DNAJC6: variants seen among roughly 807,000 people sequenced by gnomAD.
The protein encoded by DNAJC6 is auxilin.
A neutral mutation model predicts 110.0 loss-of-function variants in DNAJC6; 34 were observed. That is an observed-to-expected ratio of 0.31 (90% CI 0.24 to 0.41). The LOEUF is 0.41. DNAJC6 is among the 10% of genes least tolerant of loss of function. DNAJC6 has a pLI of 1.00. For synonymous variants in DNAJC6, 406 were observed against 437.2 expected (o/e 0.93, Z 0.89); for missense variants, 1,031 against 1,207.8 (o/e 0.85, Z 2.17).
intron 1 of DNAJC6, among the ~76,000 whole-genome samples, chr1:65,285,015 T>C (rs1653970732): frequency 6.6e-6 from 1 of 152,194 alleles, no homozygotes; most frequent in Non-Finnish European, 1.5e-5. Flanking sequence ...TCTGTGGTTT[T>C]CCATCTGGTT....
At chr1:65,378,317 A>G (rs1452768030) in intron 4 of DNAJC6, among the ~76,000 whole-genome samples, 3 of 152,220 alleles carry the variant, frequency 2.0e-5, no homozygotes, top group African/African-American at 4.8e-5. Context: ...CCTTCAGTCT[A>G]CACTCTCACC....
At chr1:65,281,389 G>A (rs890489908) in intron 1 of DNAJC6, among the ~76,000 whole-genome samples, 1 of 151,988 alleles carries the variant, frequency 6.6e-6, no homozygotes, top group African/African-American at 2.4e-5. Context: ...ATTCCATAAC[G>A]CTTTCATGGA....
At chr1:65,303,558 TC>T (rs1557509368) in intron 1 of DNAJC6, among the ~76,000 whole-genome samples, 8 of 110,448 alleles carry the variant, frequency 7.2e-5, no homozygotes, top group African/African-American at 3.1e-4. Flanking sequence ...CATTTGATTC[TC>T]TCTTCTTTTT....
chr1:65,401,943 C>T (rs543556380), intron 15 of DNAJC6, 63 bp downstream of exon 15: 8 of 1,597,450 alleles, frequency 5.0e-6, no homozygotes, highest in East Asian at 2.3e-5. Flanking sequence ...CCTCAAATCT[C>T]AGTCTTTGGT....
At chr1:65,287,598 A>T (rs1030165200) in intron 1 of DNAJC6, among the ~76,000 whole-genome samples, 9 of 152,030 alleles carry the variant, frequency 5.9e-5, no homozygotes, top group African/African-American at 2.2e-4. Flanking sequence ...TTTGCCATTT[A>T]ATCTCTTTTA....
chr1:65,413,568 G>C lies in DNAJC6; in HGVS notation c.*543G>C, dbSNP rs971133935. 1.3e-5 allele frequency: 2 copies of C among 152,182 alleles called. No individual in the cohort carries two copies. Among genetic ancestry groups the C allele is most frequent in the Non-Finnish European group, 2.9e-5 (2 of 68,160 alleles). 9.4% of individuals were successfully genotyped at this position (152,182 alleles called of 1,614,324 possible). ...TACTGTAAATGTCTTTTGGTCAAGA[G>C]AACTAACAAATATAAAGGAACTTGA... On this transcript the variant is annotated 3_prime_UTR_variant, in exon 19 of 19. Coordinates refer to ENST00000371069, the MANE Select transcript of DNAJC6 (RefSeq NM_001256864.2).
chr1:65,351,659 T>C (rs1557536407), intron 1 of DNAJC6, among the ~76,000 whole-genome samples: 3 of 152,236 alleles, frequency 2.0e-5, no homozygotes, highest in Non-Finnish European at 4.4e-5. Context: ...TTCACCATCT[T>C]GTGTATAGAC....
At chr1:65,411,946 G>T (rs761937767) in intron 18 of DNAJC6, among the ~76,000 whole-genome samples, 2 of 152,138 alleles carry the variant, frequency 1.3e-5, no homozygotes, top group Non-Finnish European at 2.9e-5. Context: ...ACTCCAGCCT[G>T]GGCAACAGAG....
At chr1:65,301,676 C>T (rs1011631467) in intron 1 of DNAJC6, among the ~76,000 whole-genome samples, 3 of 152,154 alleles carry the variant, frequency 2.0e-5, no homozygotes, top group African/African-American at 7.2e-5. Flanking sequence ...GTGCACCATC[C>T]TCCAGGAACC....
intron 17 of DNAJC6, among the ~76,000 whole-genome samples, chr1:65,410,580 C>G (rs1161629157): frequency 6.6e-6 from 1 of 152,226 alleles, no homozygotes; most frequent in Non-Finnish European, 1.5e-5. Flanking sequence ...TCCAGCAACA[C>G]TCACTTAGCT....
At chr1:65,379,919 A>T (rs10493376) in intron 5 of DNAJC6, 2 of 154,120 alleles carry the variant, frequency 1.3e-5, no homozygotes, top group Admixed American at 6.5e-5. Flanking sequence ...GAAAAAAGAT[A>T]CCTATGTCCT....
intron 1 of DNAJC6, chr1:65,264,974 A>G (rs1400393536): frequency 6.3e-7 from 1 of 1,590,472 alleles, no homozygotes; most frequent in Non-Finnish European, 8.6e-7. Flanking sequence ...AGAGGGCTAA[A>G]GGCTAAAAGA....
At chr1:65,305,915 T>C (rs139742442), upstream of DNAJC6, among the ~76,000 whole-genome samples, 17 of 152,282 alleles carry the variant, frequency 1.1e-4, no homozygotes, top group East Asian at 3.1e-3. Context: ...ACTTATTATA[T>C]GTTAGGAACT....
At chr1:65,319,790 T>C (rs1423360378) in intron 1 of DNAJC6, among the ~76,000 whole-genome samples, 1 of 152,148 alleles carries the variant, frequency 6.6e-6, no homozygotes, top group African/African-American at 2.4e-5. Context: ...TATTTTAGTT[T>C]CTTCCTCTTC....
At chr1:65,400,471 C>T (rs1403748508) in intron 14 of DNAJC6, among the ~76,000 whole-genome samples, 1 of 152,130 alleles carries the variant, frequency 6.6e-6, no homozygotes, top group South Asian at 2.1e-4. Context: ...CCAATGCCTC[C>T]TCATCCCTGC....
chr1:65,359,853 T>C (rs1355039614), intron 1 of DNAJC6, among the ~76,000 whole-genome samples: 1 of 152,238 alleles, frequency 6.6e-6, no homozygotes, highest in East Asian at 1.9e-4. Flanking sequence ...ATAAGGGTAC[T>C]TTACTTCTGG....
intron 6 of DNAJC6, among the ~76,000 whole-genome samples, chr1:65,384,785 G>A (rs1489263837): frequency 6.6e-6 from 1 of 152,154 alleles, no homozygotes; most frequent in Non-Finnish European, 1.5e-5. Context: ...TGGGGACATA[G>A]CCAAACCACA....
rs750750077 is a variant in DNAJC6 at position 65,392,512 on chromosome 1, T to G, written c.1550T>G (p.Leu517Arg). 1.2e-6 allele frequency: 2 copies of G among 1,613,936 alleles called. No individual in the cohort carries two copies. Among genetic ancestry groups the G allele is most frequent in the African/African-American group, 1.3e-5 (1 of 74,928 alleles). ...NQESEQSDDE[L>R]LTLSSPHGNA... ...GAAAGTGAGCAATCAGATGATGAAC[T>G]TCTGACACTTTCCAGTCCGCATGGC... Residue 517 changes from leucine (L) to arginine (R), a missense_variant, in exon 12 of 19, where the codon CTT becomes CGT. Transcript: ENST00000371069.
Position 65,400,784 on chromosome 1 carries a change from A to G in DNAJC6, c.2108-977A>G, listed in dbSNP as rs1232975418. On this transcript the variant is annotated intron_variant, in intron 14 of 18. Transcript: ENST00000371069. Reference sequence around the variant, plus strand: ...CTTGGCTGTTGTGAATAGTGCTGCAATAAGCATGGGAGTGCAGATATCTCT... The same window carrying G: ...CTTGGCTGTTGTGAATAGTGCTGCAGTAAGCATGGGAGTGCAGATATCTCT... Among the ~76,000 whole-genome samples the G allele has an allele frequency of 2.0e-5, 3 of 152,222 alleles. No individual in the cohort carries two copies. The East Asian group carries it at 5.8e-4, about 29-fold the overall frequency.
Sources: gnomAD v4.1 joint callset for allele counts (sites outside exome capture counted in the v4.1 genomes callset) on GRCh38, gnomAD v4.1.1 for gene constraint, MANE v1.5 for transcripts, NCBI Gene and HGNC (gene_info 2026-07-23, HGNC 2026-07-21) for gene names.